CNOT10: variants seen among roughly 807,000 people sequenced by gnomAD.
The protein encoded by CNOT10 is CCR4-NOT transcription complex subunit 10.
CNOT10 carries 30 observed loss-of-function variants against 94.6 expected under a neutral mutation model. That is an observed-to-expected ratio of 0.32 (90% CI 0.24 to 0.43). The LOEUF is 0.43. CNOT10 is among the 20% of genes least tolerant of loss of function. The pLI, the probability that CNOT10 is intolerant of heterozygous loss-of-function variation, is 1.00. For missense variants in CNOT10, 759 were observed against 877.2 expected (o/e 0.87, Z 1.70); for synonymous variants, 289 against 301.6 (o/e 0.96, Z 0.43).
chr3:32,749,295 A>G (rs888767675), intron 13 of CNOT10, among the ~76,000 whole-genome samples: 2 of 151,768 alleles, frequency 1.3e-5, no homozygotes, highest in Non-Finnish European at 2.9e-5. Context: ...TTTTCATGCC[A>G]TTTCTAAGAC....
chr3:32,698,196 A>G (rs1172710850), intron 1 of CNOT10, among the ~76,000 whole-genome samples: 3 of 152,222 alleles, frequency 2.0e-5, no homozygotes, highest in Non-Finnish European at 4.4e-5. Flanking sequence ...AAACTGGCAA[A>G]CTTTATTCAC....
intron 4 of CNOT10, among the ~76,000 whole-genome samples, chr3:32,711,132 A>G (rs1697870649): frequency 6.6e-6 from 1 of 152,034 alleles, no homozygotes; most frequent in Non-Finnish European, 1.5e-5. Context: ...GAAACTCTTT[A>G]CCCCCGTTAA....
At chr3:32,706,158 C>G (rs1194175404) in intron 3 of CNOT10, among the ~76,000 whole-genome samples, 1 of 152,084 alleles carries the variant, frequency 6.6e-6, no homozygotes. Flanking sequence ...ATTTGTATGT[C>G]CTCACGTTTC....
At chr3:32,732,394 G>C (rs1338865948) in intron 10 of CNOT10, among the ~76,000 whole-genome samples, 1 of 151,562 alleles carries the variant, frequency 6.6e-6, no homozygotes, top group Non-Finnish European at 1.5e-5. Context: ...TCAGCAACTT[G>C]GCAAAACCCT....
chr3:32,749,519 C>T (rs183440472), intron 13 of CNOT10, among the ~76,000 whole-genome samples: 38 of 150,972 alleles, frequency 2.5e-4, no homozygotes, highest in African/African-American at 4.9e-5. Context: ...AAGTGATTCT[C>T]CTGCCTCAAG....
In CNOT10 at chr3:32,685,285, A is replaced by C; in HGVS notation, c.-176A>C. On this transcript the variant is annotated 5_prime_UTR_variant, in exon 1 of 19. Transcript: ENST00000328834. Reference sequence around the variant, plus strand: ...CTGTTGCTGTTGCTAGACGACGGGAACTAGCTCTCGTCACTTCCTCAGCCC... The same window carrying C: ...CTGTTGCTGTTGCTAGACGACGGGACCTAGCTCTCGTCACTTCCTCAGCCC... 3.2e-6 allele frequency: 2 copies of C among 618,770 alleles called. No homozygotes were observed. Among genetic ancestry groups the C allele is most frequent in the Non-Finnish European group, 2.8e-6 (1 of 352,832 alleles). The allele number at this position is 618,770 out of a possible 1,614,324, so 38.3% of individuals were successfully genotyped here.
chr3:32,710,147 CAAAAAAAAAAAAAA>C (rs68126514), intron 4 of CNOT10, among the ~76,000 whole-genome samples: 18 of 70,662 alleles, frequency 2.5e-4, no homozygotes, highest in Non-Finnish European at 4.7e-4. Context: ...AACTTGCTCT[CAAAAAAAAAAAAAA>C]AAAAAAAAGA....
intron 13 of CNOT10, among the ~76,000 whole-genome samples, chr3:32,757,351 G>T (rs1170529078): frequency 6.6e-6 from 1 of 151,464 alleles, no homozygotes; most frequent in African/African-American, 2.4e-5. Flanking sequence ...AGCCAATTTT[G>T]TATTTTTAGT....
chr3:32,689,027 A>G (rs1217696031), intron 1 of CNOT10, among the ~76,000 whole-genome samples: 1 of 151,782 alleles, frequency 6.6e-6, no homozygotes, highest in African/African-American at 2.4e-5. Context: ...ACACAGTGAT[A>G]CCCCGTCTCT....
chr3:32,714,085 A>G (rs973545719), intron 5 of CNOT10, among the ~76,000 whole-genome samples: 7 of 152,196 alleles, frequency 4.6e-5, no homozygotes, highest in Non-Finnish European at 7.3e-5. Flanking sequence ...TTAACCCTAT[A>G]CAAGACTGTT....
chr3:32,767,579 C>A (rs1398901345), intron 17 of CNOT10, among the ~76,000 whole-genome samples: 1 of 150,198 alleles, frequency 6.7e-6, no homozygotes, highest in African/African-American at 2.5e-5. Context: ...ATGTGAGCAG[C>A]CTTGTTGTGC....
chr3:32,692,079 CG>C (rs148524330), intron 1 of CNOT10, among the ~76,000 whole-genome samples: 3,131 of 150,316 alleles, frequency 0.021, 64 homozygotes, highest in Middle Eastern at 0.077. Flanking sequence ...GCCAATTTCC[CG>C]CCAGGCATGG....
chr3:32,688,366 A>AG (rs1274603763), intron 1 of CNOT10, among the ~76,000 whole-genome samples: 1 of 152,174 alleles, frequency 6.6e-6, no homozygotes, highest in South Asian at 2.1e-4. Flanking sequence ...TGGGAGGCTG[A>AG]GGGGGGTGGA....
intron 1 of CNOT10, among the ~76,000 whole-genome samples, chr3:32,688,762 A>T (rs947666221): frequency 6.6e-6 from 1 of 151,976 alleles, no homozygotes; most frequent in Non-Finnish European, 1.5e-5. Flanking sequence ...ACTCTAAAAA[A>T]TAAAAAGCCA....
intron 13 of CNOT10, among the ~76,000 whole-genome samples, chr3:32,744,963 C>A (rs897102139): frequency 6.6e-6 from 1 of 152,162 alleles, no homozygotes; most frequent in Non-Finnish European, 1.5e-5. Flanking sequence ...ACTGCAACCT[C>A]CGCCTCCTGG....
chr3:32,714,699 A>G (rs1698045159), intron 5 of CNOT10, among the ~76,000 whole-genome samples: 1 of 152,156 alleles, frequency 6.6e-6, no homozygotes, highest in African/African-American at 2.4e-5. Flanking sequence ...ACAGAGCAAG[A>G]CTCAAACTCA....
rs1198898251 is a variant in CNOT10, at chr3:32,727,853, A to G, written c.1198A>G (p.Ile400Val). The G allele has an allele frequency of 6.2e-7, 1 of 1,611,976 alleles. No individual in the cohort carries two copies. Among genetic ancestry groups the G allele is most frequent in the Admixed American group, 1.7e-5 (1 of 59,640 alleles). Residue 400 changes from isoleucine to valine, a missense_variant, in exon 10 of 19, where the codon ATT (isoleucine) becomes GTT (valine). Coordinates refer to ENST00000328834, the MANE Select transcript of CNOT10 (RefSeq NM_015442.3). ...CTGGCTACGGCTGGCTGAATGCTGCATTGCTGCCAATAAGGGGGTGAGTGC... is the reference window on the plus strand; with the variant it reads ...CTGGCTACGGCTGGCTGAATGCTGCGTTGCTGCCAATAAGGGGGTGAGTGC... ...RLWLRLAECC[I>V]AANKGTSEQE... is the part of the protein sequence containing the mutation.
At chr3:32,721,060 C>CT (rs377750318) in intron 8 of CNOT10, among the ~76,000 whole-genome samples, 37,328 of 97,710 alleles carry the variant, frequency 0.38, 8,814 homozygotes, top group Non-Finnish European at 0.48. Flanking sequence ...TCTTTCCTTT[C>CT]TTTTTTTTTT....
chr3:32,749,838 C>G (rs187782903), intron 13 of CNOT10, among the ~76,000 whole-genome samples: 2 of 151,846 alleles, frequency 1.3e-5, no homozygotes, highest in East Asian at 3.9e-4. Context: ...CACATCACCA[C>G]TAAAGAACTT....
Sources: allele counts gnomAD v4.1 joint callset (sites outside exome capture counted in the v4.1 genomes callset), GRCh38; gene constraint gnomAD v4.1.1; transcripts MANE v1.5; gene names NCBI Gene and HGNC (gene_info 2026-07-23, HGNC 2026-07-21).